Variants in ABLIM1 observed in about 807,000 individuals in gnomAD.
ABLIM1 encodes actin-binding LIM protein 1.
In ABLIM1, 40 loss-of-function variants were observed where a neutral mutation model predicts 107.0. The ratio of observed to expected loss-of-function variants is 0.37; its 90% CI spans 0.29 to 0.49. ABLIM1 has a LOEUF of 0.49. Among genes scored for constraint, ABLIM1 ranks in the 20% least tolerant of loss-of-function variants. The probability of loss-of-function intolerance (pLI) is 0.97; values close to 1 mark genes in which losing one functional copy is unlikely to be tolerated. For missense variants in ABLIM1, 857 were observed against 1,008.5 expected, an observed-to-expected ratio of 0.85 and a Z score of 2.04; for synonymous variants, 357 against 357.3, an observed-to-expected ratio of 1.00 and a Z score of 0.01.
chr10:114,791,531 G>A, the ABLIM1 span, among the ~76,000 whole-genome samples: 1,084 of 151,906 alleles, frequency 7.1e-3, 7 homozygotes, highest in African/African-American at 0.025. Flanking sequence ...CCAGCTACTC[G>A]GGAGGCTGAG....
intron 1 of ABLIM1, among the ~76,000 whole-genome samples, chr10:114,700,889 T>C (rs2141840226): frequency 6.6e-6 from 1 of 152,198 alleles, no homozygotes; most frequent in African/African-American, 2.4e-5. Context: ...AAAAACTCCT[T>C]GGATAGGATA....
intron 5 of ABLIM1, among the ~76,000 whole-genome samples, chr10:114,545,306 C>T (rs566593700): frequency 1.3e-5 from 2 of 152,164 alleles, no homozygotes; most frequent in Admixed American, 1.3e-4. Context: ...CTGCGGCTCT[C>T]GGTGCCACAC....
rs1815247 is a variant in ABLIM1 at position 114,468,313 on chromosome 10, C to T, written c.1276-97G>A. ...TGTTTGAGATGGAGTCTCGCTCTGT[C>T]GCCCAGGCTGGAGTGCAGTGGCGCA... is the stretch of plus-strand genomic sequence containing the variant. On this transcript the variant is annotated intron_variant, in intron 10 of 22. Transcript: ENST00000533213. The T allele has an allele frequency of 5.0e-3, 6,183 of 1,226,870 alleles. 154 individuals are homozygous for T. In the African/African-American group the frequency reaches 0.063, roughly 12 times the overall value. 76.0% of individuals were successfully genotyped at this position (1,226,870 alleles called of 1,614,324 possible).
intron 1 of ABLIM1, among the ~76,000 whole-genome samples, chr10:114,644,258 G>A (rs1366438225): frequency 3.0e-4 from 33 of 110,010 alleles, no homozygotes; most frequent in Admixed American, 2.4e-4. Flanking sequence ...TCCAGCCTGG[G>A]TGACAGAGTG....
At chr10:114,557,675 T>TGTTTTTG (rs58108899) in intron 4 of ABLIM1, among the ~76,000 whole-genome samples, 1 of 134,092 alleles carries the variant, frequency 7.5e-6, no homozygotes. Flanking sequence ...TGAGGTGTTT[T>TGTTTTTG]TTTTTTTTTT....
In ABLIM1 at chr10:114,447,829, T is replaced by A. The variant is rs754643611; in HGVS notation, c.1735+51A>T. 8.1e-6 allele frequency: 13 copies of A among 1,600,112 alleles called. No individual in the cohort carries two copies. In the South Asian group the frequency reaches 1.3e-4, roughly 16 times the overall value. ...TTTCATGTTTTTAAGCATGTCATCTTGAGCTCTCCTAGCAGTTTGTCCCTT... is the reference window on the plus strand; with the variant it reads ...TTTCATGTTTTTAAGCATGTCATCTAGAGCTCTCCTAGCAGTTTGTCCCTT... On this transcript the variant is annotated intron_variant, in intron 15 of 22. Transcript: ENST00000533213.
At chr10:114,578,973 G>A (rs2073016562) in intron 2 of ABLIM1, among the ~76,000 whole-genome samples, 1 of 151,748 alleles carries the variant, frequency 6.6e-6, no homozygotes, top group African/African-American at 2.4e-5. Flanking sequence ...TTTTAGTAGA[G>A]ATGGGGTTTC....
chr10:114,525,781 T>C (rs1227212018), intron 6 of ABLIM1, among the ~76,000 whole-genome samples: 1 of 152,244 alleles, frequency 6.6e-6, no homozygotes, highest in Non-Finnish European at 1.5e-5. Context: ...AAGTGACAAA[T>C]GAAGCTGCTA....
At chr10:114,601,988 G>A (rs1463576008) in intron 1 of ABLIM1, 27 bp from the exon 2 acceptor site, 3 of 1,613,022 alleles carry the variant, frequency 1.9e-6, no homozygotes, top group Non-Finnish European at 8.5e-7. Context: ...AAAAGATCCA[G>A]GTGAGTAGAG....
chr10:114,747,304 C>G (rs2082404831), intron 1 of ABLIM1, among the ~76,000 whole-genome samples: 1 of 152,192 alleles, frequency 6.6e-6, no homozygotes, highest in Non-Finnish European at 1.5e-5. Flanking sequence ...AATCTGGAGG[C>G]AGCTCCACAG....
At position 114,545,700 on chromosome 10, in the gene ABLIM1, G is replaced by A. The variant is rs189717693; in HGVS notation, c.801-602C>T. Among the ~76,000 whole-genome samples, 97 of 152,120 alleles carry A rather than the reference G, an allele frequency of 6.4e-4. No individual in the cohort carries two copies. The East Asian group carries it at 0.017, about 27-fold the overall frequency. On this transcript the variant is annotated intron_variant, in intron 5 of 22. Transcript: ENST00000533213. ...AGCACTTTGGGAGGCTGAGGTGGGT[G>A]GATCAACTGAGGTCAGGAGTTTGAG...
At chr10:114,671,496 T>C (rs144061418) in intron 1 of ABLIM1, among the ~76,000 whole-genome samples, 383 of 152,328 alleles carry the variant, frequency 2.5e-3, no homozygotes, top group African/African-American at 8.7e-3. Context: ...CAGGTGTATA[T>C]AGATGTATAG....
the ABLIM1 span, among the ~76,000 whole-genome samples, chr10:114,774,707 T>C: frequency 6.6e-6 from 1 of 152,044 alleles, no homozygotes; most frequent in Non-Finnish European, 1.5e-5. Flanking sequence ...AATGTGAAAC[T>C]TGGAAGGACC....
upstream of ABLIM1, among the ~76,000 whole-genome samples, chr10:114,769,415 AAAAGAAGGAAAGAAAGAAAGAAAGAAAG>A (rs1281232606): frequency 3.2e-3 from 426 of 133,696 alleles, 6 homozygotes; most frequent in African/African-American, 0.011. Context: ...AGAAAGAAAG[AAAAGAAGGAAAGAAAGAAAGAAAGAAAG>A]AAAGAAAGAA....
At chr10:114,559,458 AAAAAG>A (rs1352111466) in intron 4 of ABLIM1, among the ~76,000 whole-genome samples, 44 of 145,776 alleles carry the variant, frequency 3.0e-4, no homozygotes, top group East Asian at 6.0e-4. Context: ...AAAAAAAAAA[AAAAAG>A]AAAGAAAGAA....
the ABLIM1 span, among the ~76,000 whole-genome samples, chr10:114,798,562 C>T: frequency 6.8e-6 from 1 of 147,408 alleles, no homozygotes; most frequent in South Asian, 2.3e-4. Flanking sequence ...TGAGACCCCC[C>T]CCCCATGTCT....
At chr10:114,600,731 C>T (rs1591512700) in intron 2 of ABLIM1, among the ~76,000 whole-genome samples, 1 of 152,226 alleles carries the variant, frequency 6.6e-6, no homozygotes, top group East Asian at 1.9e-4. Context: ...CTACAGAGTG[C>T]ACTCTGAGTC....
chr10:114,538,300 T>G (rs556990385), intron 6 of ABLIM1, among the ~76,000 whole-genome samples: 87 of 152,328 alleles, frequency 5.7e-4, no homozygotes, highest in African/African-American at 2.0e-3. Context: ...TGTGATTCCA[T>G]TTCCTTCACC....
At chr10:114,578,409 G>GTTTT (rs35844913) in intron 2 of ABLIM1, among the ~76,000 whole-genome samples, 2 of 141,412 alleles carry the variant, frequency 1.4e-5, no homozygotes, top group Non-Finnish European at 3.1e-5. Flanking sequence ...ATTTTCTGTT[G>GTTTT]TTTTTTTTTT....
Sources: gnomAD v4.1 joint callset for allele counts (sites outside exome capture counted in the v4.1 genomes callset) on GRCh38, gnomAD v4.1.1 for gene constraint, MANE v1.5 for transcripts, NCBI Gene and HGNC (gene_info 2026-07-23, HGNC 2026-07-21) for gene names.